Variants in MATN2 observed in about 807,000 individuals in gnomAD.
The protein encoded by MATN2 is matrilin 2, also known as matrilin-2.
In MATN2, 69 loss-of-function variants were observed where a neutral mutation model predicts 103.2. The observed-to-expected ratio is 0.67, with a 90% CI of 0.55 to 0.82. The LOEUF is 0.82. Among genes scored for constraint, MATN2 ranks in the 40% least tolerant of loss-of-function variants. The pLI is 0.00. For synonymous variants in MATN2, 429 were observed against 450.2 expected (o/e 0.95, Z 0.60); for missense variants, 1,023 against 1,211.5 (o/e 0.84, Z 2.31).
intron 15 of MATN2, among the ~76,000 whole-genome samples, chr8:98,031,144 T>G (rs1297530291): frequency 2.0e-5 from 3 of 151,958 alleles, no homozygotes; most frequent in Non-Finnish European, 4.4e-5. Flanking sequence ...CAAGACCAGT[T>G]TAGGCAACAA....
In MATN2 at chr8:97,914,450, A is replaced by C. The variant is rs188490855; in HGVS notation, c.143-16503A>C. ...CAGTGGCACAATAATGGCTTACTGC[A>C]TCCTCACCCTCCAGGGCTCAAGCCA... On this transcript the variant is annotated intron_variant, in intron 2 of 18. Coordinates refer to ENST00000254898, the MANE Select transcript of MATN2 (RefSeq NM_002380.5). 3.4e-3 allele frequency among the ~76,000 whole-genome samples: 443 copies of C among 130,698 alleles called. 2 individuals carry two copies. Among genetic ancestry groups the C allele is most frequent in the African/African-American group, 0.012 (417 of 33,642 alleles). The allele number at this position is 130,698 out of a possible 152,430, so 85.7% of individuals were successfully genotyped here. A position where few individuals can be genotyped will look rare whatever the true frequency, so the allele number is the denominator to read the frequency against.
chr8:97,982,317 G>T lies in MATN2; in HGVS notation c.1081+3309G>T, dbSNP rs1408802667. On this transcript the variant is annotated intron_variant, in intron 6 of 18. Transcript: ENST00000254898. This position sits in a 1 kb window ranked among gnomAD's most constrained non-coding sequence, Gnocchi z 4.3. ...AGACTAGTTAAAATTACAGAAACAGGATAGAGGCAGAAGCTCAGAACCGAA... is the reference window on the plus strand; with the variant it reads ...AGACTAGTTAAAATTACAGAAACAGTATAGAGGCAGAAGCTCAGAACCGAA... Among the ~76,000 whole-genome samples the T allele has an allele frequency of 1.3e-5, 2 of 151,572 alleles. No individual in the cohort carries two copies. Among genetic ancestry groups the T allele is most frequent in the Non-Finnish European group, 2.9e-5 (2 of 68,030 alleles).
At chr8:97,885,748 A>T (rs544273147) in intron 1 of MATN2, among the ~76,000 whole-genome samples, 1 of 152,206 alleles carries the variant, frequency 6.6e-6, no homozygotes, top group Non-Finnish European at 1.5e-5. Flanking sequence ...GCCGTGAGCC[A>T]TGATCACACC....
At chr8:97,934,474 T>C (rs902091923) in intron 3 of MATN2, among the ~76,000 whole-genome samples, 2 of 152,254 alleles carry the variant, frequency 1.3e-5, no homozygotes, top group Non-Finnish European at 2.9e-5. Context: ...ATTTTCCAAG[T>C]TGCAGATGAC....
chr8:97,908,973 C>G (rs982391345), intron 2 of MATN2, among the ~76,000 whole-genome samples: 32 of 152,058 alleles, frequency 2.1e-4, no homozygotes, highest in African/African-American at 7.5e-4. Flanking sequence ...GGGTCTCACT[C>G]TGTTGCCCAG....
intron 11 of MATN2, among the ~76,000 whole-genome samples, chr8:98,017,533 G>A (rs1813406231): frequency 6.6e-6 from 1 of 152,168 alleles, no homozygotes; most frequent in Non-Finnish European, 1.5e-5. Flanking sequence ...AGAAAAGATG[G>A]GTAACTGGAA....
intron 2 of MATN2, among the ~76,000 whole-genome samples, chr8:97,922,608 GC>G (rs1361587443): frequency 6.6e-6 from 1 of 152,144 alleles, no homozygotes; most frequent in African/African-American, 2.4e-5. Flanking sequence ...TACTCAAAGT[GC>G]CATGTTGAAA....
chr8:97,985,889 T>C (rs1255496338), intron 6 of MATN2, among the ~76,000 whole-genome samples: 1 of 152,220 alleles, frequency 6.6e-6, no homozygotes, highest in Non-Finnish European at 1.5e-5. Context: ...TTTATGCCAA[T>C]TTGGAACATT....
intron 3 of MATN2, among the ~76,000 whole-genome samples, chr8:97,933,024 C>T (rs189157923): frequency 6.6e-4 from 101 of 152,236 alleles, no homozygotes; most frequent in African/African-American, 2.1e-3. Flanking sequence ...TAGCCCCCAG[C>T]GAAGAACAAT....
chr8:98,013,541 C>T (rs1202093480), intron 10 of MATN2, among the ~76,000 whole-genome samples: 1 of 152,216 alleles, frequency 6.6e-6, no homozygotes, highest in East Asian at 1.9e-4. Context: ...CCACTGCCAA[C>T]ATCTCACCTC....
At position 97,998,286 on chromosome 8, in the gene MATN2, C is replaced by T. The variant is rs979970511; in HGVS notation, c.1204+3684C>T. Among the ~76,000 whole-genome samples, 11 of 150,224 alleles carry T rather than the reference C, an allele frequency of 7.3e-5. No individual in the cohort carries two copies. The South Asian group carries it at 1.3e-3, about 17-fold the overall frequency. On this transcript the variant is annotated intron_variant, in intron 7 of 18. Coordinates refer to ENST00000254898, the MANE Select transcript of MATN2 (RefSeq NM_002380.5). ...CTGTAATCCCAGCACTTTGGGAGGC[C>T]GAGGCGGGCGGATCACAAGGTCAGG...
At chr8:97,890,598 G>A (rs1030814195) in intron 2 of MATN2, among the ~76,000 whole-genome samples, 2 of 151,936 alleles carry the variant, frequency 1.3e-5, no homozygotes, top group African/African-American at 4.8e-5. Flanking sequence ...AAATGGAAAA[G>A]CATGCTCATT....
At chr8:97,938,256 A>G (rs1810443968) in intron 3 of MATN2, among the ~76,000 whole-genome samples, 1 of 152,230 alleles carries the variant, frequency 6.6e-6, no homozygotes, top group South Asian at 2.1e-4. Context: ...CCAGCAGTCC[A>G]GGAAAAGAAG....
At chr8:97,973,753 A>G (rs1811739479) in intron 5 of MATN2, among the ~76,000 whole-genome samples, 1 of 151,946 alleles carries the variant, frequency 6.6e-6, no homozygotes, top group African/African-American at 2.4e-5. Context: ...TATTTTTTGT[A>G]GAGATGGGGT....
intron 1 of MATN2, among the ~76,000 whole-genome samples, chr8:97,876,641 C>T (rs966140747): frequency 6.6e-6 from 1 of 152,090 alleles, no homozygotes; most frequent in African/African-American, 2.4e-5. Flanking sequence ...TTCTTATTGA[C>T]GTATACATAC....
At chr8:97,998,629 G>A (rs868554403) in intron 7 of MATN2, among the ~76,000 whole-genome samples, 42 of 148,968 alleles carry the variant, frequency 2.8e-4, no homozygotes, top group Admixed American at 1.2e-3. Flanking sequence ...CTGCTGAAGC[G>A]AGAGCTTCAG....
At chr8:98,010,520 G>T (rs1813123449) in intron 10 of MATN2, among the ~76,000 whole-genome samples, 1 of 152,188 alleles carries the variant, frequency 6.6e-6, no homozygotes, top group African/African-American at 2.4e-5. Flanking sequence ...CAGGGAGACT[G>T]CTGTTGCAGT....
In MATN2 at chr8:98,005,311, G is replaced by A. The variant is rs1207147839; in HGVS notation, c.1327+1528G>A. 6.6e-6 allele frequency among the ~76,000 whole-genome samples: 1 copy of A among 152,208 alleles called. No homozygotes were observed. Among genetic ancestry groups the A allele is most frequent in the African/African-American group, 2.4e-5 (1 of 41,456 alleles). On this transcript the variant is annotated intron_variant, in intron 8 of 18. Transcript: ENST00000254898. This position sits in a 1 kb window ranked among gnomAD's most constrained non-coding sequence, Gnocchi z 4.6. ...GCATGTCTCTGAGTCCTTTTGAGAG[G>A]CCAGCGGGGAGCGGGTCTCCCATTC...
At chr8:98,006,985 G>A in intron 8 of MATN2, 120 bp from the exon 9 acceptor site, 1 of 1,025,338 alleles carries the variant, frequency 9.8e-7, no homozygotes, top group Admixed American at 2.1e-5. Flanking sequence ...TCAGTGATGT[G>A]GGGTAGAATG....
Sources: gnomAD v4.1 joint callset for allele counts (sites outside exome capture counted in the v4.1 genomes callset) on GRCh38, gnomAD v4.1.1 for gene constraint, Gnocchi (gnomAD v3.1) non-coding constraint, MANE v1.5 for transcripts, NCBI Gene and HGNC (gene_info 2026-07-23, HGNC 2026-07-21) for gene names.